CHIC1: variants seen among roughly 807,000 people sequenced by gnomAD.
CHIC1 encodes cysteine-rich hydrophobic domain-containing protein 1.
A neutral mutation model predicts 18.5 loss-of-function variants in CHIC1; 7 were observed. That is an observed-to-expected ratio of 0.38 (90% CI 0.22 to 0.71). The LOEUF (loss-of-function observed/expected upper bound fraction) is 0.71, where lower values mean the gene tolerates loss of function less well. Among genes scored for constraint, CHIC1 ranks in the 30% least tolerant of loss-of-function variants. The pLI is 0.49. For synonymous variants in CHIC1, 77 were observed against 73.5 expected, an observed-to-expected ratio of 1.05 and a Z score of -0.25; for missense variants, 159 against 176.9, an observed-to-expected ratio of 0.90 and a Z score of 0.57.
chrX:73,632,915 C>T (rs999068053), intron 3 of CHIC1, among the ~76,000 whole-genome samples: 9 of 107,043 alleles, frequency 8.4e-5, no homozygotes, highest in African/African-American at 2.7e-4. Flanking sequence ...ACTACAGGCG[C>T]CCACCACCAC....
intron 3 of CHIC1, among the ~76,000 whole-genome samples, chrX:73,596,732 C>T (rs1165616540): frequency 9.0e-6 from 1 of 111,051 alleles, no homozygotes; most frequent in Non-Finnish European, 1.9e-5. Context: ...CACACACCTA[C>T]AATCACCTGA....
chrX:73,657,543 A>G (rs2057956684), intron 3 of CHIC1, among the ~76,000 whole-genome samples: 1 of 112,259 alleles, frequency 8.9e-6, no homozygotes, highest in South Asian at 3.7e-4. Context: ...TGTTCTAGAT[A>G]TAGAATCAGG....
rs1234770484 is a variant in CHIC1 at position 73,671,918 on chromosome X, CG to C, written c.508-7407del. ...TATATCTCCTAATGCTATCCCTCCC[CG>C]CTCCCACACCCCACAACAGTCCCCG... is the stretch of plus-strand genomic sequence containing the variant. On this transcript the variant is annotated intron_variant, in intron 3 of 5. Coordinates refer to ENST00000373502, the MANE Select transcript of CHIC1 (RefSeq NM_001039840.4). Among the ~76,000 whole-genome samples, 7 of 110,451 alleles carry C rather than the reference CG, an allele frequency of 6.3e-5. No homozygotes were observed. The Admixed American group carries it at 6.8e-4, about 11-fold the overall frequency.
At chrX:73,674,293 G>C (rs1253139055) in intron 3 of CHIC1, among the ~76,000 whole-genome samples, 1 of 112,020 alleles carries the variant, frequency 8.9e-6, no homozygotes, top group African/African-American at 3.3e-5. Context: ...GATTGGAATA[G>C]TTTCAGAAGG....
At chrX:73,667,509 A>T (rs1366665135) in intron 3 of CHIC1, among the ~76,000 whole-genome samples, 1 of 111,925 alleles carries the variant, frequency 8.9e-6, no homozygotes, top group Non-Finnish European at 1.9e-5. Context: ...TTCCATATTT[A>T]GTGCTTTCTT....
chrX:73,670,900 T>C (rs1446979469), intron 3 of CHIC1, among the ~76,000 whole-genome samples: 1 of 112,025 alleles, frequency 8.9e-6, no homozygotes, highest in Non-Finnish European at 1.9e-5. Context: ...TTGATTTTCT[T>C]ACATTTGAGA....
At chrX:73,601,556 A>G (rs1873936146) in intron 3 of CHIC1, among the ~76,000 whole-genome samples, 1 of 106,696 alleles carries the variant, frequency 9.4e-6, no homozygotes, top group Admixed American at 9.9e-5. Context: ...GACGCATTCA[A>G]AGCAGTGTGT....
At chrX:73,630,652 C>A (rs2057802778) in intron 3 of CHIC1, among the ~76,000 whole-genome samples, 1 of 111,514 alleles carries the variant, frequency 9.0e-6, no homozygotes, top group Non-Finnish European at 1.9e-5. Context: ...ATATTGTGTT[C>A]AAGATTTTTG....
rs1463947943 is a variant in CHIC1, at chrX:73,607,521, C to G, written c.507+22949C>G. Among the ~76,000 whole-genome samples, 2 of 107,555 alleles carry G rather than the reference C, an allele frequency of 1.9e-5. 1 individual carries two copies. The highest frequency in any genetic ancestry group is 7.3e-5 in the African/African-American group (2 of 27,531). 93.4% of individuals were successfully genotyped at this position (107,555 alleles called of 115,157 possible). A position where few individuals can be genotyped will look rare whatever the true frequency, so the allele number is the denominator to read the frequency against. The stretch of plus-strand genomic sequence containing the variant: ...TATCTCGCTGACATTCCAGGAGCCA[C>G]TGGGGTATGAAAAAAAAACACTTCT... On this transcript the variant is annotated intron_variant, in intron 3 of 5. Transcript: ENST00000373502.
intron 3 of CHIC1, among the ~76,000 whole-genome samples, chrX:73,586,164 A>G (rs1046397817): frequency 3.6e-5 from 4 of 111,413 alleles, no homozygotes; most frequent in Non-Finnish European, 7.6e-5. Flanking sequence ...CCGGGCCCAC[A>G]TGGCTATATG....
chrX:73,655,492 GTGTATATATATATACATATATACACA>G lies in CHIC1; in HGVS notation c.508-23833_508-23808del, dbSNP rs1194406168. Among the ~76,000 whole-genome samples, 3 of 60,441 alleles carry G rather than the reference GTGTATATATATATACATATATACACA, an allele frequency of 5.0e-5. No individual in the cohort carries two copies. The Admixed American group carries it at 5.7e-4, about 11-fold the overall frequency. 52.5% of individuals were successfully genotyped at this position (60,441 alleles called of 115,157 possible). On this transcript the variant is annotated intron_variant, in intron 3 of 5. Transcript: ENST00000373502. ...TATATATACATATATACACAATATTGTGTATATATATATACATATATACACAATATTGTGTATATATATATACATAT... is the reference window on the plus strand; with the variant it reads ...TATATATACATATATACACAATATTGATATTGTGTATATATATATACATAT...
At chrX:73,654,884 AT>A (rs2057934524) in intron 3 of CHIC1, among the ~76,000 whole-genome samples, 1 of 110,606 alleles carries the variant, frequency 9.0e-6, no homozygotes, top group Admixed American at 9.6e-5. Flanking sequence ...TTTCAATTTG[AT>A]TTTATTTATT....
intron 1 of CHIC1, among the ~76,000 whole-genome samples, chrX:73,567,246 G>A (rs1037172940): frequency 5.4e-5 from 6 of 110,163 alleles, no homozygotes; most frequent in Admixed American, 2.9e-4. Context: ...CAGTCTCTGC[G>A]TGGGCTCTTA....
Position 73,577,481 on chromosome X carries a change from G to T in CHIC1, c.351+20G>T. 1 of 1,104,725 alleles carries T rather than the reference G, an allele frequency of 9.1e-7. No homozygotes were observed. 91.0% of individuals were successfully genotyped at this position (1,104,725 alleles called of 1,213,427 possible). ...GGGAAGGTAAGTGAGAATTTGCTTTGAACTTTTCAGTTCTAAAGCATTGTT... is the reference window on the plus strand; with the variant it reads ...GGGAAGGTAAGTGAGAATTTGCTTTTAACTTTTCAGTTCTAAAGCATTGTT... On this transcript the variant is annotated intron_variant, in intron 2 of 5. Coordinates refer to ENST00000373502, the MANE Select transcript of CHIC1 (RefSeq NM_001039840.4).
intron 3 of CHIC1, among the ~76,000 whole-genome samples, chrX:73,602,199 C>T (rs1603342377): frequency 9.2e-6 from 1 of 109,130 alleles, no homozygotes; most frequent in South Asian, 3.7e-4. Context: ...AAGAGGGAAT[C>T]CTCCCTAACT....
chrX:73,628,301 C>T (rs771450154), intron 3 of CHIC1, among the ~76,000 whole-genome samples: 1 of 111,885 alleles, frequency 8.9e-6, no homozygotes, highest in East Asian at 2.8e-4. Flanking sequence ...GCTGGCGTCT[C>T]AGCATGTTGT....
chrX:73,662,059 TAAATAAATAAATAA>T (rs1170738334), intron 3 of CHIC1, among the ~76,000 whole-genome samples: 6 of 105,540 alleles, frequency 5.7e-5, no homozygotes, highest in Admixed American at 3.0e-4. Flanking sequence ...TAAATAAAAA[TAAATAAATAAATAA>T]AAATAAATAA....
intron 3 of CHIC1, among the ~76,000 whole-genome samples, chrX:73,676,163 C>A (rs201006506): frequency 3.7e-5 from 4 of 109,073 alleles, no homozygotes; most frequent in African/African-American, 6.6e-5. Context: ...CTGCCCTTAA[C>A]ATTTTTTCCT....
chrX:73,614,209 C>A (rs989054338), intron 3 of CHIC1, among the ~76,000 whole-genome samples: 1 of 111,406 alleles, frequency 9.0e-6, no homozygotes, highest in Non-Finnish European at 1.9e-5. Context: ...TCTCTTCTGG[C>A]CTGTAAGGTT....
Sources: gnomAD v4.1 joint callset for allele counts (sites outside exome capture counted in the v4.1 genomes callset) on GRCh38, gnomAD v4.1.1 for gene constraint, MANE v1.5 for transcripts, NCBI Gene and HGNC (gene_info 2026-07-23, HGNC 2026-07-21) for gene names.